FAM200C: variants seen among roughly 807,000 people sequenced by gnomAD.
chr5:160,394,316 T>C, the FAM200C span: 1 of 1,613,830 alleles, frequency 6.2e-7, no homozygotes, highest in African/African-American at 1.3e-5. Context: ...CCCAGTCCTC[T>C]GCATAGATGC....
the FAM200C span, chr5:160,393,773 GA>G: frequency 3.8e-6 from 6 of 1,565,268 alleles, no homozygotes; most frequent in Non-Finnish European, 5.2e-6. Flanking sequence ...AACTTTTTTT[GA>G]AATAGCCACA....
the FAM200C span, among the ~76,000 whole-genome samples, chr5:160,396,351 T>C: frequency 6.6e-6 from 1 of 152,186 alleles, no homozygotes; most frequent in South Asian, 2.1e-4. Flanking sequence ...GGTCTTTAAG[T>C]CTGATTAAGC....
chr5:160,399,702 GATA>G, the FAM200C span: 11 of 152,112 alleles, frequency 7.2e-5, no homozygotes, highest in Admixed American at 6.5e-4. Flanking sequence ...GCTCTTAACT[GATA>G]GGACCTGATG....
chr5:160,395,575 C>T, the FAM200C span: 6 of 1,063,824 alleles, frequency 5.6e-6, no homozygotes, highest in South Asian at 3.9e-5. Flanking sequence ...CATTAAAAAC[C>T]AGTGGCTAAC....
the FAM200C span, among the ~76,000 whole-genome samples, chr5:160,397,979 C>T: frequency 1.3e-5 from 2 of 152,202 alleles, no homozygotes; most frequent in East Asian, 1.9e-4. Context: ...CGGTGGCTCA[C>T]GCCTGCTACC....
chr5:160,400,037 G>C, the FAM200C span: 1 of 152,324 alleles, frequency 6.6e-6, no homozygotes, highest in African/African-American at 2.4e-5. Context: ...CCAGGCCCGG[G>C]TTCCATCCGG....
chr5:160,396,244 T>A, the FAM200C span, among the ~76,000 whole-genome samples: 1 of 150,046 alleles, frequency 6.7e-6, no homozygotes, highest in East Asian at 2.0e-4. Context: ...AGTGAGAACA[T>A]GGTAGTTCTT....
chr5:160,396,814 C>T, the FAM200C span, among the ~76,000 whole-genome samples: 2 of 150,598 alleles, frequency 1.3e-5, no homozygotes, highest in African/African-American at 2.4e-5. Flanking sequence ...AGTAAAATAA[C>T]GAATTTCATG....
chr5:160,399,731 A>T, the FAM200C span: 2 of 151,904 alleles, frequency 1.3e-5, no homozygotes, highest in Non-Finnish European at 2.9e-5. Context: ...ACTGTTAAGG[A>T]CGGAGATTTT....
chr5:160,397,297 TAATA>T, the FAM200C span: 1 of 152,242 alleles, frequency 6.6e-6, no homozygotes, highest in African/African-American at 2.4e-5. Context: ...CCCAATGCTT[TAATA>T]GATATTTAAA....
the FAM200C span, chr5:160,395,216 A>G: frequency 6.2e-7 from 1 of 1,613,844 alleles, no homozygotes; most frequent in African/African-American, 1.3e-5. Flanking sequence ...CGATGCTTGT[A>G]ATAAAGTATC....
chr5:160,395,169 G>T, the FAM200C span: 6 of 1,613,682 alleles, frequency 3.7e-6, no homozygotes, highest in African/African-American at 1.3e-5. Flanking sequence ...ACTGTATGAG[G>T]ATTCTTCTCC....
the FAM200C span, chr5:160,393,876 C>T: frequency 4.3e-5 from 70 of 1,613,918 alleles, no homozygotes; most frequent in Non-Finnish European, 5.5e-5. Context: ...TATGTAGTTG[C>T]AAATGGCATA....
At chr5:160,399,254 G>C in the FAM200C span, among the ~76,000 whole-genome samples, 7 of 152,264 alleles carry the variant, frequency 4.6e-5, no homozygotes, top group Non-Finnish European at 1.0e-4. Context: ...TTTATGAAGG[G>C]TAGATATGAA....
At chr5:160,395,615 A>T in the FAM200C span, 1 of 763,320 alleles carries the variant, frequency 1.3e-6, no homozygotes, top group African/African-American at 1.7e-5. Flanking sequence ...ATCACATGCT[A>T]TCTTGTATAT....
chr5:160,396,973 T>C, the FAM200C span, among the ~76,000 whole-genome samples: 1 of 152,316 alleles, frequency 6.6e-6, no homozygotes, highest in Non-Finnish European at 1.5e-5. Flanking sequence ...TCTCCAGCTA[T>C]GGAGTGGGGG....
chr5:160,394,893 T>C, the FAM200C span: 9 of 1,612,614 alleles, frequency 5.6e-6, no homozygotes, highest in Non-Finnish European at 7.6e-6. Flanking sequence ...TCTTCTACGA[T>C]CTCTCTTTCT....
chr5:160,395,968 A>G, the FAM200C span, among the ~76,000 whole-genome samples: 1 of 152,202 alleles, frequency 6.6e-6, no homozygotes, highest in Non-Finnish European at 1.5e-5. Flanking sequence ...CAATTCACTA[A>G]ATAAGGAAGG....
At chr5:160,393,981 T>C in the FAM200C span, 1 of 1,613,956 alleles carries the variant, frequency 6.2e-7, no homozygotes, top group African/African-American at 1.3e-5. Flanking sequence ...TCCATTAGGA[T>C]TTGGCCACTA....
Sources: gnomAD v4.1 joint callset for allele counts (sites outside exome capture counted in the v4.1 genomes callset) on GRCh38, gnomAD v4.1.1 for gene constraint, MANE v1.5 for transcripts.